The following MAK variants were observed in gnomAD, a reference collection of about 807,000 sequenced individuals.
MAK encodes male germ cell associated kinase, also known as serine/threonine-protein kinase MAK.
In MAK, 65 loss-of-function variants were observed where a neutral mutation model predicts 82.6. That is an observed-to-expected ratio of 0.79 (90% confidence interval 0.64 to 0.97). The LOEUF (loss-of-function observed/expected upper bound fraction) is 0.97, where lower values mean the gene tolerates loss of function less well. Ranked by LOEUF, MAK falls within the 50% of genes least tolerant of loss-of-function variation. The pLI is 0.00. For missense variants in MAK, 703 were observed against 780.2 expected (o/e 0.90, Z 1.18); for synonymous variants, 250 against 274.2 (o/e 0.91, Z 0.87).
chr6:10,771,982 T>C (rs1773057672), intron 13 of MAK, among the ~76,000 whole-genome samples: 2 of 152,270 alleles, frequency 1.3e-5, no homozygotes, highest in Non-Finnish European at 2.9e-5. Flanking sequence ...GCTTAGCATG[T>C]GTTAAAATTC....
chr6:10,767,383 C>T (rs1772546242), intron 14 of MAK, among the ~76,000 whole-genome samples: 1 of 152,082 alleles, frequency 6.6e-6, no homozygotes, highest in Non-Finnish European at 1.5e-5. Context: ...TAAAGTGATC[C>T]TAAAGGGTGC....
At position 10,776,304 on chromosome 6, in the gene MAK, G is replaced by A. The variant is rs999255007; in HGVS notation, c.1466-845C>T. Among the ~76,000 whole-genome samples the A allele has an allele frequency of 7.9e-5, 12 of 152,186 alleles. No individual in the cohort carries two copies. The highest frequency in any genetic ancestry group is 2.9e-4 in the African/African-American group (12 of 41,452). On this transcript the variant is annotated intron_variant, in intron 11 of 14. Coordinates refer to ENST00000354489, the MANE Select transcript of MAK (RefSeq NM_001242957.3). The surrounding 1 kb of genome is among the most constrained non-coding windows in gnomAD (Gnocchi z 4.3). ...GAAAGAAGTCATTGCAAATGTACTTGGAAAAAGAACAGTTTAAATTACTTA... is the reference window on the plus strand; with the variant it reads ...GAAAGAAGTCATTGCAAATGTACTTAGAAAAAGAACAGTTTAAATTACTTA...
At chr6:10,795,617 G>A (rs138067212) in intron 9 of MAK, among the ~76,000 whole-genome samples, 16 of 152,086 alleles carry the variant, frequency 1.1e-4, no homozygotes, top group African/African-American at 2.4e-4. Context: ...GGTGGTGGGC[G>A]TCTGTAATCC....
chr6:10,815,942 AT>A lies in MAK; in HGVS notation c.278+1907del, dbSNP rs1561991979. Among the ~76,000 whole-genome samples the A allele has an allele frequency of 8.3e-5, 8 of 96,576 alleles. 1 individual carries two copies. The highest frequency in any genetic ancestry group is 2.8e-4 in the African/African-American group (8 of 28,298). The allele number at this position is 96,576 out of a possible 152,430, so 63.4% of individuals were successfully genotyped here. A position where few individuals can be genotyped will look rare whatever the true frequency, so the allele number is the denominator to read the frequency against. On this transcript the variant is annotated intron_variant, in intron 4 of 14. Transcript: ENST00000354489. ...TATATATATATATATATATATATAT[AT>A]ATATGTATGTTTTCTTTTTTGTTTG...
intron 4 of MAK, among the ~76,000 whole-genome samples, chr6:10,815,865 A>G (rs1042727263): frequency 1.6e-4 from 24 of 147,668 alleles, no homozygotes; most frequent in African/African-American, 5.9e-4. Context: ...CAGGACTTCA[A>G]TAGCCACATC....
At chr6:10,804,887 TTGA>T (rs1167230755) in intron 6 of MAK, among the ~76,000 whole-genome samples, 1 of 152,142 alleles carries the variant, frequency 6.6e-6, no homozygotes, top group Non-Finnish European at 1.5e-5. Context: ...CATTGTAATG[TTGA>T]TGAGAAAGAA....
chr6:10,773,773 C>G (rs961948056), intron 12 of MAK, among the ~76,000 whole-genome samples: 1 of 149,614 alleles, frequency 6.7e-6, no homozygotes, highest in African/African-American at 2.5e-5. Flanking sequence ...CTCACTGCAA[C>G]CTCCACTTCC....
At chr6:10,819,386 C>T (rs1046095557) in intron 2 of MAK, among the ~76,000 whole-genome samples, 2 of 152,162 alleles carry the variant, frequency 1.3e-5, no homozygotes, top group African/African-American at 4.8e-5. Context: ...AATCCCAGCA[C>T]TTTGGGAGGT....
intron 5 of MAK, 21 bp from the exon 6 acceptor site, chr6:10,808,963 A>C (rs1227056905): frequency 6.2e-7 from 1 of 1,601,062 alleles, no homozygotes; most frequent in South Asian, 1.1e-5. Flanking sequence ...TACGGAGAAA[A>C]AAAAATACAG....
intron 8 of MAK, among the ~76,000 whole-genome samples, chr6:10,799,980 G>A (rs1018994812): frequency 2.6e-5 from 4 of 152,094 alleles, no homozygotes; most frequent in African/African-American, 4.8e-5. Flanking sequence ...TCTGGGAGGC[G>A]GAGGGTGTAG....
At chr6:10,817,016 A>G (rs1777547557) in intron 4 of MAK, among the ~76,000 whole-genome samples, 1 of 152,142 alleles carries the variant, frequency 6.6e-6, no homozygotes, top group South Asian at 2.1e-4. Flanking sequence ...ATTGACATTA[A>G]TGTTATGATG....
chr6:10,817,998 A>T, intron 3 of MAK, 27 bp from the exon 4 acceptor site: 1 of 1,375,030 alleles, frequency 7.3e-7, no homozygotes. Flanking sequence ...ATGCCTTAAA[A>T]TTTCTTAAAA....
chr6:10,835,602 T>C (rs572512450), intron 1 of MAK, among the ~76,000 whole-genome samples: 1 of 152,318 alleles, frequency 6.6e-6, no homozygotes, highest in South Asian at 2.1e-4. Flanking sequence ...TATGATAGCA[T>C]CATCTTTTCT....
At chr6:10,821,923 G>A (rs1200800526) in intron 2 of MAK, among the ~76,000 whole-genome samples, 8 of 151,238 alleles carry the variant, frequency 5.3e-5, no homozygotes, top group African/African-American at 7.3e-5. Context: ...CAAGGCGGGC[G>A]GATCACGAGG....
chr6:10,829,057 C>T (rs1778587007), intron 2 of MAK: 1 of 152,192 alleles, frequency 6.6e-6, no homozygotes, highest in Non-Finnish European at 1.5e-5. Context: ...TCCTGCAGTC[C>T]CAGTCAAGCC....
At position 10,796,315 on chromosome 6, in the gene MAK, A is replaced by G; in HGVS notation, c.832-6T>C. 1 of 1,608,734 alleles carries G rather than the reference A, an allele frequency of 6.2e-7. No individual in the cohort carries two copies. The highest frequency in any genetic ancestry group is 8.5e-7 in the Non-Finnish European group (1 of 1,177,124). The stretch of plus-strand genomic sequence containing the variant: ...AAATATGGGTGTTTCAATGCCTATA[A>G]AAACACAGAGAAAACAACAAATGGA... On this transcript the variant is annotated splice_polypyrimidine_tract_variant and splice_region_variant and intron_variant, in intron 8 of 14. Coordinates refer to ENST00000354489, the MANE Select transcript of MAK (RefSeq NM_001242957.3).
intron 13 of MAK, 105 bp from the exon 14 acceptor site, chr6:10,770,335 T>A: frequency 7.4e-7 from 1 of 1,350,236 alleles, no homozygotes; most frequent in Non-Finnish European, 1.0e-6. Flanking sequence ...TTTTTCAGCA[T>A]CTACTATGTT....
At chr6:10,778,088 G>C (rs1367003544) in intron 11 of MAK, among the ~76,000 whole-genome samples, 1 of 152,158 alleles carries the variant, frequency 6.6e-6, no homozygotes, top group Non-Finnish European at 1.5e-5. Context: ...ATATTATAAT[G>C]ATAGATGTCA....
chr6:10,768,435 G>T (rs1236210203), intron 14 of MAK, among the ~76,000 whole-genome samples: 20 of 152,098 alleles, frequency 1.3e-4, no homozygotes, highest in Admixed American at 1.2e-3. Context: ...AAAAAAATTA[G>T]CTGGGCATGG....
Sources: gnomAD v4.1 joint callset for allele counts (sites outside exome capture counted in the v4.1 genomes callset) on GRCh38, gnomAD v4.1.1 for gene constraint, Gnocchi (gnomAD v3.1) non-coding constraint, MANE v1.5 for transcripts, NCBI Gene and HGNC (gene_info 2026-07-23, HGNC 2026-07-21) for gene names.